HEATR5A: variants seen among roughly 807,000 people sequenced by gnomAD.
The protein encoded by HEATR5A is HEAT repeat-containing protein 5A.
In HEATR5A, 178 loss-of-function variants were observed where a neutral mutation model predicts 218.8. The ratio of observed to expected loss-of-function variants is 0.81; its 90% confidence interval spans 0.72 to 0.92. The LOEUF (loss-of-function observed/expected upper bound fraction) is 0.92. Among genes scored for constraint, HEATR5A ranks in the 40% least tolerant of loss-of-function variants. HEATR5A has a pLI of 0.00. For missense variants in HEATR5A, 2,420 were observed against 2,418.9 expected, an observed-to-expected ratio of 1.00 and a Z score of -0.01; for synonymous variants, 864 against 871.6, an observed-to-expected ratio of 0.99 and a Z score of 0.15.
chr14:31,373,665 A>C (rs1016885668), intron 12 of HEATR5A, among the ~76,000 whole-genome samples: 2 of 152,126 alleles, frequency 1.3e-5, no homozygotes. Context: ...ATATTGTAGA[A>C]GGTACAACTT....
Position 31,345,271 on chromosome 14 carries a change from C to T in HEATR5A, c.2874G>A (p.Trp958Ter). ...QDSTSPDVQT[W>*]ALHSLSLIID... is the part of the protein sequence containing the mutation. Reference sequence around the variant, plus strand: ...TGATCAATGATAGAGAATGTAATGCCCAGGTCTGTAATGACAAAGAAAAAC... The same window carrying T: ...TGATCAATGATAGAGAATGTAATGCTCAGGTCTGTAATGACAAAGAAAAAC... Residue 958 changes from tryptophan (W) to a stop codon, truncating the protein, a stop_gained, in exon 20 of 36, where the codon TGG (tryptophan) becomes TGA (stop). Transcript: ENST00000543095. LOFTEE classifies it high-confidence loss of function. 3 of 1,606,072 alleles carry T rather than the reference C, an allele frequency of 1.9e-6. No homozygotes were observed. The highest frequency in any genetic ancestry group is 2.2e-5 in the East Asian group (1 of 44,688).
intron 21 of HEATR5A, among the ~76,000 whole-genome samples, chr14:31,340,156 GAAATTAAAT>G (rs1303532463): frequency 6.6e-6 from 1 of 152,088 alleles, no homozygotes; most frequent in Non-Finnish European, 1.5e-5. Context: ...GCAAAATACA[GAAATTAAAT>G]TAAACTGTAA....
At chr14:31,333,822 A>C (rs1482200339) in intron 22 of HEATR5A, among the ~76,000 whole-genome samples, 1 of 151,650 alleles carries the variant, frequency 6.6e-6, no homozygotes, top group East Asian at 2.0e-4. Context: ...ACTTGAGCCC[A>C]GGAGTTCAAG....
At chr14:31,400,025 T>G (rs1381027698) in intron 3 of HEATR5A, among the ~76,000 whole-genome samples, 1 of 152,204 alleles carries the variant, frequency 6.6e-6, no homozygotes. Flanking sequence ...ATGTGAAGAA[T>G]TTAAAATATC....
At chr14:31,302,170 G>GTAT (rs1370747709) in intron 33 of HEATR5A, 125 bp downstream of exon 33, 1 of 686,780 alleles carries the variant, frequency 1.5e-6, no homozygotes, top group East Asian at 2.7e-5. Context: ...TAAACACATA[G>GTAT]TATTGAATAT....
chr14:31,389,942 A>C (rs1295830897), intron 6 of HEATR5A, among the ~76,000 whole-genome samples: 1 of 152,180 alleles, frequency 6.6e-6, no homozygotes, highest in Non-Finnish European at 1.5e-5. Context: ...CCATGCAGAA[A>C]ACAGAGCAAA....
intron 19 of HEATR5A, among the ~76,000 whole-genome samples, chr14:31,346,977 T>C (rs1901043107): frequency 6.6e-6 from 1 of 152,166 alleles, no homozygotes; most frequent in Non-Finnish European, 1.5e-5. Context: ...GAACAGGAGT[T>C]TGGAGTCTAT....
chr14:31,361,385 G>A (rs1405490812), intron 14 of HEATR5A, among the ~76,000 whole-genome samples: 1 of 152,182 alleles, frequency 6.6e-6, no homozygotes, highest in Non-Finnish European at 1.5e-5. Context: ...AGGAAGAATG[G>A]ACAGGGATCA....
rs1595086571 is a variant in HEATR5A, at chr14:31,313,271, G to C, written c.4219-81C>G. The C allele has an allele frequency of 6.3e-5, 65 of 1,036,330 alleles. No homozygotes were observed. In the East Asian group the frequency reaches 1.5e-3, roughly 24 times the overall value. 64.2% of individuals were successfully genotyped at this position (1,036,330 alleles called of 1,614,324 possible). A position where few individuals can be genotyped will look rare whatever the true frequency, so the allele number is the denominator to read the frequency against. On this transcript the variant is annotated intron_variant, in intron 27 of 35. Transcript: ENST00000543095. ...TAAAATTTTTATATCTTCCTGAAGAGGCAGACTTACCTTTGAGCATACTGG... is the reference window on the plus strand; with the variant it reads ...TAAAATTTTTATATCTTCCTGAAGACGCAGACTTACCTTTGAGCATACTGG...
At chr14:31,388,007 A>G (rs111954181) in intron 7 of HEATR5A, among the ~76,000 whole-genome samples, 1 of 152,220 alleles carries the variant, frequency 6.6e-6, no homozygotes, top group African/African-American at 2.4e-5. Context: ...CGAGAGATTT[A>G]ACATTCTGAA....
intron 22 of HEATR5A, among the ~76,000 whole-genome samples, chr14:31,331,679 G>T (rs989666775): frequency 1.4e-4 from 22 of 152,286 alleles, no homozygotes; most frequent in Middle Eastern, 3.4e-3. Context: ...ATTTATAAAG[G>T]AAAGAGGTTT....
chr14:31,414,176 C>G (rs917691808), intron 1 of HEATR5A, among the ~76,000 whole-genome samples: 1 of 152,184 alleles, frequency 6.6e-6, no homozygotes, highest in East Asian at 1.9e-4. Flanking sequence ...ATGCCAGAGG[C>G]AGATTTTAAG....
At chr14:31,386,324 T>C in intron 9 of HEATR5A, 96 bp downstream of exon 9, 1 of 837,116 alleles carries the variant, frequency 1.2e-6, no homozygotes, top group Non-Finnish European at 1.8e-6. Flanking sequence ...CATAAATCTA[T>C]AATGGAATCT....
At chr14:31,366,191 T>C (rs1901796044) in intron 13 of HEATR5A, among the ~76,000 whole-genome samples, 1 of 152,154 alleles carries the variant, frequency 6.6e-6, no homozygotes, top group African/African-American at 2.4e-5. Flanking sequence ...AGATGATCGC[T>C]TGAGCCCACG....
intron 16 of HEATR5A, among the ~76,000 whole-genome samples, chr14:31,355,311 G>C (rs1901384438): frequency 2.0e-5 from 3 of 152,172 alleles, no homozygotes; most frequent in African/African-American, 7.2e-5. Context: ...TACTCGGGAG[G>C]CCGAGGCAGG....
At chr14:31,362,123 C>A (rs1281838135) in intron 14 of HEATR5A, among the ~76,000 whole-genome samples, 2 of 152,000 alleles carry the variant, frequency 1.3e-5, no homozygotes, top group Non-Finnish European at 2.9e-5. Flanking sequence ...TGCCACCATG[C>A]CCAGCTAATT....
chr14:31,372,025 A>G (rs1902053608), intron 12 of HEATR5A, 116 bp from the exon 13 acceptor site: 1 of 525,372 alleles, frequency 1.9e-6, no homozygotes, highest in Non-Finnish European at 3.4e-6. Flanking sequence ...TTGCTAAAAT[A>G]AAAAAATTCT....
intron 23 of HEATR5A, among the ~76,000 whole-genome samples, chr14:31,325,004 T>A (rs1900218942): frequency 6.6e-6 from 1 of 152,186 alleles, no homozygotes; most frequent in African/African-American, 2.4e-5. Flanking sequence ...ATTCTAAGGC[T>A]TGGGCAACTG....
chr14:31,294,044 A>G lies in HEATR5A; in HGVS notation c.5680T>C (p.Ser1894Pro), dbSNP rs1899098534. 6.2e-7 allele frequency: 1 copy of G among 1,603,812 alleles called. No individual in the cohort carries two copies. Reference sequence around the variant, plus strand: ...GCTAAAGAGTAAATGTATGGGTAGGAAACAGCTGGATTTGGATACTGAAAG... The same window carrying G: ...GCTAAAGAGTAAATGTATGGGTAGGGAACAGCTGGATTTGGATACTGAAAG... ...SIFQYPNPAV[S>P]YPYIYSLASC... Residue 1894 changes from serine to proline, a missense_variant, in exon 35 of 36, where the codon TCC (serine) becomes CCC (proline). Transcript: ENST00000543095.
Sources: gnomAD v4.1 joint callset for allele counts (sites outside exome capture counted in the v4.1 genomes callset) on GRCh38, gnomAD v4.1.1 for gene constraint, MANE v1.5 for transcripts, NCBI Gene and HGNC (gene_info 2026-07-23, HGNC 2026-07-21) for gene names.